TEKTL1: variants seen among roughly 807,000 people sequenced by gnomAD.
The protein encoded by TEKTL1 is tektin like 1.
At chr19:15,022,975 C>G in the TEKTL1 span, 2 of 1,612,732 alleles carry the variant, frequency 1.2e-6, no homozygotes. Flanking sequence ...GCAAGAACAT[C>G]GGGCATGAGG....
At chr19:15,012,934 C>CT in the TEKTL1 span, among the ~76,000 whole-genome samples, 3 of 151,864 alleles carry the variant, frequency 2.0e-5, no homozygotes, top group Non-Finnish European at 2.9e-5. Flanking sequence ...AAACTCCCCC[C>CT]CAGAATGTTA....
chr19:15,014,738 C>CGGGGGGGG, the TEKTL1 span, among the ~76,000 whole-genome samples: 132 of 29,796 alleles, frequency 4.4e-3, 2 homozygotes, highest in African/African-American at 0.012. Flanking sequence ...GGGCGGGGGG[C>CGGGGGGGG]GGGGGCTGCT....
the TEKTL1 span, chr19:15,021,615 G>A: frequency 6.2e-7 from 1 of 1,614,118 alleles, no homozygotes; most frequent in Admixed American, 1.7e-5. Flanking sequence ...CCTGCCCCCA[G>A]GAAAGATTAA....
the TEKTL1 span, among the ~76,000 whole-genome samples, chr19:15,020,886 T>TTC: frequency 6.6e-6 from 1 of 151,414 alleles, no homozygotes; most frequent in Admixed American, 6.6e-5. Flanking sequence ...CTGCTTTTTT[T>TTC]TTTTTTCCTT....
the TEKTL1 span, chr19:15,021,390 G>A: frequency 5.0e-5 from 81 of 1,614,242 alleles, no homozygotes; most frequent in South Asian, 8.7e-4. Flanking sequence ...AGCGGTTGTT[G>A]GTCGAGTCCA....
the TEKTL1 span, chr19:15,020,502 G>T: frequency 2.5e-6 from 4 of 1,613,606 alleles, no homozygotes. Context: ...TCTGCTTCAA[G>T]GAGCGGCTCC....
At chr19:15,011,369 C>G in the TEKTL1 span, 1 of 1,446,768 alleles carries the variant, frequency 6.9e-7, no homozygotes, top group Non-Finnish European at 9.1e-7. Flanking sequence ...CGTCAAGCTG[C>G]GGGGCTACAG....
the TEKTL1 span, among the ~76,000 whole-genome samples, chr19:15,015,338 A>G: frequency 6.6e-6 from 1 of 152,216 alleles, no homozygotes; most frequent in Non-Finnish European, 1.5e-5. Context: ...CAAACCTCAA[A>G]TTGGCACTCA....
At chr19:15,013,792 G>A in the TEKTL1 span, 1 of 1,569,480 alleles carries the variant, frequency 6.4e-7, no homozygotes, top group South Asian at 1.1e-5. Context: ...GGGTGCCTGT[G>A]GACAAGTTAC....
the TEKTL1 span, among the ~76,000 whole-genome samples, chr19:15,018,732 A>ATATATATATAT: frequency 4.3e-4 from 34 of 78,414 alleles, no homozygotes; most frequent in Non-Finnish European, 6.5e-4. Flanking sequence ...ATATATATAT[A>ATATATATATAT]ACTTCCCTGG....
At chr19:15,021,137 TC>T in the TEKTL1 span, among the ~76,000 whole-genome samples, 1 of 152,086 alleles carries the variant, frequency 6.6e-6, no homozygotes, top group Non-Finnish European at 1.5e-5. Flanking sequence ...CGCCTCAGCC[TC>T]CCAAAGTGCT....
At chr19:15,018,286 A>G in the TEKTL1 span, among the ~76,000 whole-genome samples, 121,468 of 152,066 alleles carry the variant, frequency 0.8, 49,100 homozygotes, top group East Asian at 0.86. Flanking sequence ...CCCGGGAGGC[A>G]GAGGTTTCAG....
At chr19:15,016,631 A>G in the TEKTL1 span, among the ~76,000 whole-genome samples, 112,492 of 152,130 alleles carry the variant, frequency 0.74, 41,734 homozygotes, top group Admixed American at 0.77. Context: ...CAAAGATACC[A>G]TATTCAGAGA....
the TEKTL1 span, chr19:15,010,880 C>T: frequency 1.6e-3 from 2,480 of 1,560,720 alleles, 2 homozygotes; most frequent in Non-Finnish European, 2.0e-3. Flanking sequence ...CGTTGGGGCC[C>T]CAGCATGGCG....
At chr19:15,022,723 T>TG in the TEKTL1 span, 5 of 496,150 alleles carry the variant, frequency 1.0e-5, no homozygotes, top group East Asian at 4.6e-5. Context: ...CCTGTCGCGG[T>TG]TTTTTTTTTT....
At chr19:15,014,611 T>C in the TEKTL1 span, among the ~76,000 whole-genome samples, 1 of 151,294 alleles carries the variant, frequency 6.6e-6, no homozygotes, top group Non-Finnish European at 1.5e-5. Flanking sequence ...TAGTACTAAA[T>C]TATATTTCAC....
chr19:15,020,141 T>A, the TEKTL1 span, among the ~76,000 whole-genome samples: 1 of 151,542 alleles, frequency 6.6e-6, no homozygotes, highest in East Asian at 2.0e-4. Flanking sequence ...GACCCCTTCT[T>A]CACAAAAAGT....
chr19:15,014,720 CAGT>C, the TEKTL1 span, among the ~76,000 whole-genome samples: 2 of 21,544 alleles, frequency 9.3e-5, no homozygotes, highest in African/African-American at 5.6e-4. Context: ...GCAGGAGACT[CAGT>C]GGGGGGGCGG....
chr19:15,021,250 AC>A, the TEKTL1 span: 1 of 1,446,562 alleles, frequency 6.9e-7, no homozygotes, highest in Non-Finnish European at 9.3e-7. Flanking sequence ...CCTCAATAAA[AC>A]CCCCTCGCCC....
Sources: allele counts gnomAD v4.1 joint callset (sites outside exome capture counted in the v4.1 genomes callset), GRCh38; gene constraint gnomAD v4.1.1; transcripts MANE v1.5; gene names NCBI Gene and HGNC (gene_info 2026-07-23, HGNC 2026-07-21).